Variants in ANTKMT observed in about 807,000 individuals in gnomAD.
The protein encoded by ANTKMT is adenine nucleotide translocase lysine N-methyltransferase.
Under a neutral mutation model 20.7 loss-of-function variants are expected in ANTKMT, and 24 were observed. The ratio of observed to expected loss-of-function variants is 1.16; its 90% CI spans 0.84 to 1.63. ANTKMT has a LOEUF of 1.63. ANTKMT is among the 40% of genes most tolerant of loss of function. The probability of loss-of-function intolerance (pLI) is 0.00; values close to 1 mark genes in which losing one functional copy is unlikely to be tolerated. For synonymous variants in ANTKMT, 193 were observed against 161.2 expected, an observed-to-expected ratio of 1.20 and a Z score of -1.49; for missense variants, 428 against 334.8, an observed-to-expected ratio of 1.28 and a Z score of -2.17.
At position 721,939 on chromosome 16, in the gene ANTKMT, A is replaced by C. The variant is rs1392330067; in HGVS notation, c.406A>C (p.Lys136Gln). ...CTGCTATCGCCGCAAGGATCTCTGG[A>C]AGGTAACCTGGGGATCCCTGGCCAC... ...SVCYRRKDLW[K>Q]VSLRDCRNVS... is the part of the protein sequence containing the mutation. Residue 136 changes from lysine (K) to glutamine (Q), a missense_variant and splice_region_variant, in exon 3 of 5, where the codon AAG becomes CAG. Transcript: ENST00000569529. 6.4e-7 allele frequency: 1 copy of C among 1,570,728 alleles called. No individual in the cohort carries two copies. The highest frequency in any genetic ancestry group is 1.1e-5 in the South Asian group (1 of 87,082).
rs1271270115 is a variant in ANTKMT at position 722,304 on chromosome 16, C to T, written c.460-5C>T. 1.9e-6 allele frequency: 3 copies of T among 1,607,264 alleles called. No homozygotes were observed. The highest frequency in any genetic ancestry group is 2.7e-5 in the African/African-American group (2 of 74,870). On this transcript the variant is annotated splice_polypyrimidine_tract_variant and splice_region_variant and intron_variant, in intron 4 of 4. Coordinates refer to ENST00000569529, the MANE Select transcript of ANTKMT (RefSeq NM_023933.3). The stretch of plus-strand genomic sequence containing the variant: ...CCCCCTCTACTCTGCTGTTCTCTCC[C>T]TCAGCTCCCGCTGCTGGAGGACAAG...
At position 721,703 on chromosome 16, in the gene ANTKMT, G is replaced by A. The variant is rs146136648; in HGVS notation, c.267+1G>A. ...TCTGGGCTCTGGCGACGGCAGGATC[G>A]TAAGTGCCTGCGTCTGGGTCTTCGC... On this transcript the variant is annotated splice_donor_variant, in intron 2 of 4. Transcript: ENST00000569529. LOFTEE classifies it high-confidence loss of function. The A allele has an allele frequency of 1.6e-4, 247 of 1,548,742 alleles. 1 individual carries two copies. In the African/African-American group the frequency reaches 2.8e-3, roughly 17 times the overall value.
In ANTKMT at chr16:721,198, G is replaced by T. The variant is rs1277532025; in HGVS notation, c.-77G>T. ...GCAGGAGGCAGAGGGCACACCGCCA[G>T]CCCCAGGCCAGGCTGCGAGGGCCGC... On this transcript the variant is annotated 5_prime_UTR_variant, in exon 1 of 5. Transcript: ENST00000569529. 1.7e-6 allele frequency: 2 copies of T among 1,198,328 alleles called. No homozygotes were observed. The highest frequency in any genetic ancestry group is 2.1e-6 in the Non-Finnish European group (2 of 964,370). 74.2% of individuals were successfully genotyped at this position (1,198,328 alleles called of 1,614,324 possible).
chr16:721,226 A>T lies in ANTKMT; in HGVS notation c.-49A>T. 9 of 1,222,878 alleles carry T rather than the reference A, an allele frequency of 7.4e-6. No individual in the cohort carries two copies. The highest frequency in any genetic ancestry group is 9.2e-6 in the Non-Finnish European group (9 of 980,526). The allele number at this position is 1,222,878 out of a possible 1,614,324, so 75.8% of individuals were successfully genotyped here. On this transcript the variant is annotated 5_prime_UTR_variant, in exon 1 of 5. Transcript: ENST00000569529. ...CCAGGCCAGGCTGCGAGGGCCGCGGACCCGAGCCGGGAAGGACCTTGGGCG... is the reference window on the plus strand; with the variant it reads ...CCAGGCCAGGCTGCGAGGGCCGCGGTCCCGAGCCGGGAAGGACCTTGGGCG...
rs774870692 is a variant in ANTKMT, at chr16:721,697, A to G, written c.262A>G (p.Arg88Gly). The change falls in exon 2 of 5, where the codon AGG becomes GGG. Residue 88 changes from arginine (R) to glycine (G), a missense_variant. Transcript: ENST00000569529. ...KTVDLGSGDG[R>G]IVLAAHRCGL... is the part of the protein sequence containing the mutation. Reference sequence around the variant, plus strand: ...GGTGGATCTGGGCTCTGGCGACGGCAGGATCGTAAGTGCCTGCGTCTGGGT... The same window carrying G: ...GGTGGATCTGGGCTCTGGCGACGGCGGGATCGTAAGTGCCTGCGTCTGGGT... 3 of 1,549,176 alleles carry G rather than the reference A, an allele frequency of 1.9e-6. No individual in the cohort carries two copies. Among genetic ancestry groups the G allele is most frequent in the Non-Finnish European group, 8.7e-7 (1 of 1,147,042 alleles).
chr16:721,904 C>A lies in ANTKMT; in HGVS notation c.371C>A (p.Ala124Asp). The A allele has an allele frequency of 1.9e-6, 3 of 1,571,152 alleles. No homozygotes were observed. Among genetic ancestry groups the A allele is most frequent in the South Asian group, 1.2e-5 (1 of 86,934 alleles). ...ARLHAWRAGC[A>D]GSVCYRRKDL... ...CTGCACGCCTGGAGGGCCGGCTGTG[C>A]CGGCAGCGTCTGCTATCGCCGCAAG... Residue 124 changes from alanine (A) to aspartate (D), a missense_variant, in exon 3 of 5, where the codon GCC becomes GAC. Physicochemically the swap from Ala to Asp is moderately radical, Grantham distance 126. Transcript: ENST00000569529.
intron 3 of ANTKMT, 55 bp from the exon 4 acceptor site, chr16:722,029 A>G (rs2040246272): frequency 1.9e-6 from 3 of 1,562,836 alleles, no homozygotes; most frequent in Non-Finnish European, 2.6e-6. Context: ...GGAAGCTGCG[A>G]TGACCCGGTG....
At chr16:721,543 C>T (rs1235067890) in intron 1 of ANTKMT, 55 bp from the exon 2 acceptor site, 2 of 1,488,926 alleles carry the variant, frequency 1.3e-6, no homozygotes, top group Non-Finnish European at 1.8e-6. Flanking sequence ...TAGTTCGGGC[C>T]GGGCTGCGGG....
chr16:721,924 C>T lies in ANTKMT; in HGVS notation c.391C>T (p.Arg131Cys), dbSNP rs554137391. The T allele has an allele frequency of 5.0e-5, 79 of 1,572,896 alleles. 1 individual carries two copies. The South Asian group carries it at 6.8e-4, about 13-fold the overall frequency. The change falls in exon 3 of 5, where the codon CGC becomes TGC. Residue 131 changes from arginine to cysteine, a missense_variant. Coordinates refer to ENST00000569529, the MANE Select transcript of ANTKMT (RefSeq NM_023933.3). ...AGCAGSVCYR[R>C]KDLWKVSLRD... is the part of the protein sequence containing the mutation. ...CTGTGCCGGCAGCGTCTGCTATCGC[C>T]GCAAGGATCTCTGGAAGGTAACCTG... is the stretch of plus-strand genomic sequence containing the variant.
At position 722,504 on chromosome 16, in the gene ANTKMT, C is replaced by T. The variant is rs376683407; in HGVS notation, c.655C>T (p.Pro219Ser). The T allele has an allele frequency of 6.2e-7, 1 of 1,612,310 alleles. No homozygotes were observed. Among genetic ancestry groups the T allele is most frequent in the Non-Finnish European group, 8.5e-7 (1 of 1,179,894 alleles). ...ASSRIPIQAA[P>S]GPSSAPIPGG... ...CTCGCGGATACCCATCCAGGCTGCC[C>T]CCGGACCTAGTTCTGCCCCCATCCC... Residue 219 changes from proline to serine, a missense_variant, in exon 5 of 5, where the codon CCC becomes TCC. Physicochemically the swap from Pro to Ser is moderately conservative, Grantham distance 74. Transcript: ENST00000569529.
Position 721,350 on chromosome 16 carries a change from G to T in ANTKMT, c.76G>T (p.Ala26Ser), listed in dbSNP as rs776954724. ...RRLGALELLQAAAGSGLAAYA... is the reference protein window; with the variant it reads ...RRLGALELLQSAAGSGLAAYA... ...GCTGGGCGCGCTGGAGCTGCTGCAG[G>T]CGGCGGCCGGCTCGGGCTTGGCAGC... Residue 26 changes from alanine to serine, a missense_variant, in exon 1 of 5, where the codon GCG becomes TCG. Transcript: ENST00000569529. 3 of 1,339,158 alleles carry T rather than the reference G, an allele frequency of 2.2e-6. No homozygotes were observed. In the South Asian group the frequency reaches 5.5e-5, roughly 24 times the overall value. The allele number at this position is 1,339,158 out of a possible 1,614,324, so 83.0% of individuals were successfully genotyped here.
Position 722,431 on chromosome 16 carries a change from A to ATGG in ANTKMT, c.583_585dup (p.Trp195dup). The ATGG allele has an allele frequency of 6.2e-7, 1 of 1,609,588 alleles. No homozygotes were observed. The highest frequency in any genetic ancestry group is 8.5e-7 in the Non-Finnish European group (1 of 1,178,356). On this transcript the variant is annotated inframe_insertion, in exon 5 of 5. Transcript: ENST00000569529. ...CGGTTGGCGAGGGCCTGGACCGAGT[A>ATGG]TGGGCTTATGATGTTCCTGAGGGTG...
rs1426263530 is a variant in ANTKMT at position 721,180 on chromosome 16, G to A, written c.-95G>A. On this transcript the variant is annotated 5_prime_UTR_variant, in exon 1 of 5. Transcript: ENST00000569529. ...GTCGCGCGGCGGCTCCCGGCAGGAG[G>A]CAGAGGGCACACCGCCAGCCCCAGG... 4 of 1,161,016 alleles carry A rather than the reference G, an allele frequency of 3.4e-6. No homozygotes were observed. The highest frequency in any genetic ancestry group is 3.6e-5 in the East Asian group (1 of 27,868). The allele number at this position is 1,161,016 out of a possible 1,614,324, so 71.9% of individuals were successfully genotyped here. A position where few individuals can be genotyped will look rare whatever the true frequency, so the allele number is the denominator to read the frequency against.
chr16:721,878 GCTGCAC>G lies in ANTKMT; in HGVS notation c.346_351del (p.Leu116_His117del). ...ACCCCTGGCTGGTGGCGCTGGCGCG[GCTGCAC>G]GCCTGGAGGGCCGGCTGTGCCGGCA... On this transcript the variant is annotated inframe_deletion, in exon 3 of 5. Transcript: ENST00000569529. 6.4e-7 allele frequency: 1 copy of G among 1,569,158 alleles called. No homozygotes were observed. The highest frequency in any genetic ancestry group is 8.6e-7 in the Non-Finnish European group (1 of 1,165,158).
At position 722,477 on chromosome 16, in the gene ANTKMT, T is replaced by G. The variant is rs145240437; in HGVS notation, c.628T>G (p.Ser210Ala). The change falls in exon 5 of 5, where the codon TCC becomes GCC. Residue 210 changes from serine (S) to alanine (A), a missense_variant. Ser to Ala is a moderately conservative substitution (Grantham distance 99). Transcript: ENST00000569529. ...PEGGQAGEAA[S>A]SRIPIQAAPG... The stretch of plus-strand genomic sequence containing the variant: ...GGGTGGGCAGGCTGGGGAGGCCGCC[T>G]CCTCGCGGATACCCATCCAGGCTGC... 11 of 1,612,306 alleles carry G rather than the reference T, an allele frequency of 6.8e-6. No individual in the cohort carries two copies. Among genetic ancestry groups the G allele is most frequent in the East Asian group, 2.2e-5 (1 of 44,878 alleles).
Position 721,578 on chromosome 16 carries a change from C to A in ANTKMT, c.163-20C>A. 6.5e-7 allele frequency: 1 copy of A among 1,534,196 alleles called. No individual in the cohort carries two copies. The highest frequency in any genetic ancestry group is 8.8e-7 in the Non-Finnish European group (1 of 1,141,790). Reference sequence around the variant, plus strand: ...GCGGGGCGGGAGCGGCCAGTGGACTCTCGCCGCCACCCGGTCCAGGTGCCC... The same window carrying A: ...GCGGGGCGGGAGCGGCCAGTGGACTATCGCCGCCACCCGGTCCAGGTGCCC... On this transcript the variant is annotated intron_variant, in intron 1 of 4. Coordinates refer to ENST00000569529, the MANE Select transcript of ANTKMT (RefSeq NM_023933.3).
chr16:722,435 G>GC lies in ANTKMT; in HGVS notation c.587dup (p.Tyr197LeufsTer2). On this transcript the variant is annotated frameshift_variant, in exon 5 of 5. Coordinates refer to ENST00000569529, the MANE Select transcript of ANTKMT (RefSeq NM_023933.3). LOFTEE classifies it low-confidence loss of function (END_TRUNC). ...TGGCGAGGGCCTGGACCGAGTATGGGCTTATGATGTTCCTGAGGGTGGGCA... is the reference window on the plus strand; with the variant it reads ...TGGCGAGGGCCTGGACCGAGTATGGGCCTTATGATGTTCCTGAGGGTGGGCA... 1.2e-6 allele frequency: 2 copies of GC among 1,610,046 alleles called. No individual in the cohort carries two copies. Among genetic ancestry groups the GC allele is most frequent in the Non-Finnish European group, 8.5e-7 (1 of 1,178,560 alleles).
chr16:722,508 G>A lies in ANTKMT; in HGVS notation c.659G>A (p.Gly220Glu), dbSNP rs1441808324. ...CGGATACCCATCCAGGCTGCCCCCG[G>A]ACCTAGTTCTGCCCCCATCCCGGGG... ...SSRIPIQAAPGPSSAPIPGGL... is the reference protein window; with the variant it reads ...SSRIPIQAAPEPSSAPIPGGL... Residue 220 changes from glycine (G) to glutamate (E), a missense_variant, in exon 5 of 5, where the codon GGA becomes GAA. Physicochemically the swap from Gly to Glu is moderately conservative, Grantham distance 98. Transcript: ENST00000569529. 1 of 1,611,938 alleles carries A rather than the reference G, an allele frequency of 6.2e-7. No individual in the cohort carries two copies. Among genetic ancestry groups the A allele is most frequent in the Non-Finnish European group, 8.5e-7 (1 of 1,179,856 alleles).
At position 721,249 on chromosome 16, in the gene ANTKMT, G is replaced by A; in HGVS notation, c.-26G>A. The A allele has an allele frequency of 8.0e-7, 1 of 1,256,910 alleles. No individual in the cohort carries two copies. Among genetic ancestry groups the A allele is most frequent in the Non-Finnish European group, 1.0e-6 (1 of 1,000,628 alleles). The allele number at this position is 1,256,910 out of a possible 1,614,324, so 77.9% of individuals were successfully genotyped here. On this transcript the variant is annotated 5_prime_UTR_variant, in exon 1 of 5. Coordinates refer to ENST00000569529, the MANE Select transcript of ANTKMT (RefSeq NM_023933.3). Reference sequence around the variant, plus strand: ...GGACCCGAGCCGGGAAGGACCTTGGGCGGACGAGCCGCGCGTCCCGCAGCC... The same window carrying A: ...GGACCCGAGCCGGGAAGGACCTTGGACGGACGAGCCGCGCGTCCCGCAGCC...
Sources: gnomAD v4.1 joint callset for allele counts on GRCh38, gnomAD v4.1.1 for gene constraint, MANE v1.5 for transcripts, NCBI Gene and HGNC (gene_info 2026-07-23, HGNC 2026-07-21) for gene names.